RB1CC1: variants seen among roughly 807,000 people sequenced by gnomAD.
RB1CC1 encodes RB1 inducible coiled-coil 1.
RB1CC1 carries 46 observed loss-of-function variants against 177.5 expected under a neutral mutation model. That is an observed-to-expected ratio of 0.26 (90% CI 0.20 to 0.33). The LOEUF is 0.33. Among genes scored for constraint, RB1CC1 ranks in the 10% least tolerant of loss-of-function variants. The pLI is 1.00. For missense variants in RB1CC1, 1,703 were observed against 1,816.3 expected (o/e 0.94, Z 1.13); for synonymous variants, 666 against 613.6 (o/e 1.09, Z -1.26).
chr8:52,631,908 C>T (rs182682743), intron 20 of RB1CC1, among the ~76,000 whole-genome samples: 8 of 152,314 alleles, frequency 5.3e-5, no homozygotes, highest in Admixed American at 3.9e-4. Context: ...AACACTACTA[C>T]TCTGGTTAAA....
intron 21 of RB1CC1, among the ~76,000 whole-genome samples, chr8:52,629,010 G>A (rs964629190): frequency 2.0e-5 from 3 of 152,164 alleles, no homozygotes; most frequent in Admixed American, 2.0e-4. Flanking sequence ...GGGGAGATGG[G>A]AAATGGGGCC....
chr8:52,707,414 TTTTC>T (rs1427461792), intron 1 of RB1CC1, among the ~76,000 whole-genome samples: 3 of 149,338 alleles, frequency 2.0e-5, no homozygotes, highest in South Asian at 2.1e-4. Flanking sequence ...GTTATTTTTC[TTTTC>T]TTTTTCTTTC....
At position 52,652,726 on chromosome 8, in the gene RB1CC1, T is replaced by C. The variant is rs565839946; in HGVS notation, c.3821+3282A>G. Among the ~76,000 whole-genome samples, 5 of 152,246 alleles carry C rather than the reference T, an allele frequency of 3.3e-5. No homozygotes were observed. The East Asian group carries it at 9.7e-4, about 30-fold the overall frequency. ...TATATGAATAAGTCTGTGTGTGACC[T>C]GCAAATGCTAAAATTTTTACTATCT... On this transcript the variant is annotated intron_variant, in intron 15 of 23. Coordinates refer to ENST00000025008, the MANE Select transcript of RB1CC1 (RefSeq NM_014781.5).
Position 52,645,850 on chromosome 8 carries a change from G to A in RB1CC1, c.3839C>T (p.Thr1280Ile). The A allele has an allele frequency of 6.2e-7, 1 of 1,600,956 alleles. No homozygotes were observed. Among genetic ancestry groups the A allele is most frequent in the Non-Finnish European group, 8.5e-7 (1 of 1,176,772 alleles). ...QIAKSPAIDS[T>I]RGDSSSLVAE... ...AACTAAGCTTGAAGAATCTCCTCTG[G>A]TAGAGTCAATGGCAGGACTTACAAA... is the stretch of plus-strand genomic sequence containing the variant. Residue 1280 changes from threonine to isoleucine, a missense_variant, in exon 16 of 24, where the codon ACC becomes ATC. This residue lies in a region of RB1CC1 where 1,169 missense variants were observed against 1,184.7 expected (regional missense o/e 0.99). Coordinates refer to ENST00000025008, the MANE Select transcript of RB1CC1 (RefSeq NM_014781.5).
chr8:52,683,286 A>T (rs1014217948), intron 5 of RB1CC1, among the ~76,000 whole-genome samples: 2 of 152,216 alleles, frequency 1.3e-5, no homozygotes, highest in African/African-American at 4.8e-5. Context: ...GTTCAAAAGT[A>T]ACTATTTACA....
intron 1 of RB1CC1, among the ~76,000 whole-genome samples, chr8:52,696,424 TG>T (rs1383862826): frequency 6.6e-6 from 1 of 152,200 alleles, no homozygotes; most frequent in Non-Finnish European, 1.5e-5. Flanking sequence ...CACATAAGCC[TG>T]GAACATCTTA....
intron 8 of RB1CC1, among the ~76,000 whole-genome samples, chr8:52,665,311 G>A (rs1215307010): frequency 6.6e-6 from 1 of 152,092 alleles, no homozygotes. Context: ...TAAATACATG[G>A]CAAACGCTGA....
chr8:52,712,496 CAAA>C (rs5891479), intron 1 of RB1CC1, among the ~76,000 whole-genome samples: 4 of 100,488 alleles, frequency 4.0e-5, no homozygotes, highest in African/African-American at 7.2e-5. Context: ...CAGCAAGAGC[CAAA>C]AAAAAAAAAA....
chr8:52,700,413 T>C (rs766365176), intron 1 of RB1CC1, among the ~76,000 whole-genome samples: 1 of 23,348 alleles, frequency 4.3e-5, no homozygotes, highest in Non-Finnish European at 8.1e-5. Flanking sequence ...GTCCCAGTTA[T>C]GGGGGGGTGG....
intron 1 of RB1CC1, among the ~76,000 whole-genome samples, chr8:52,710,134 C>G (rs1452475123): frequency 6.6e-6 from 1 of 152,204 alleles, no homozygotes; most frequent in African/African-American, 2.4e-5. Flanking sequence ...TGCCCAGGGA[C>G]TGAAAACTGG....
intron 15 of RB1CC1, among the ~76,000 whole-genome samples, chr8:52,652,523 TAA>T (rs1850694366): frequency 6.6e-6 from 1 of 150,790 alleles, no homozygotes. Context: ...TGAAAATGAC[TAA>T]GTTTCAATTT....
intron 1 of RB1CC1, among the ~76,000 whole-genome samples, chr8:52,698,670 G>GTTTTTTTTTTTTTTTTTTT (rs1183407164): frequency 2.6e-5 from 2 of 77,400 alleles, no homozygotes; most frequent in Non-Finnish European, 4.8e-5. Flanking sequence ...GTAATGGTTG[G>GTTTTTTTTTTTTTTTTTTT]TTTTTTTTTT....
chr8:52,678,560 T>C (rs900628334), intron 5 of RB1CC1, among the ~76,000 whole-genome samples: 3 of 152,180 alleles, frequency 2.0e-5, no homozygotes, highest in Admixed American at 2.0e-4. Flanking sequence ...AAAACAAATG[T>C]TCCACCATCA....
Position 52,657,821 on chromosome 8 carries a change from T to C in RB1CC1, c.2008A>G (p.Thr670Ala). The C allele has an allele frequency of 6.2e-7, 1 of 1,613,856 alleles. No individual in the cohort carries two copies. Among genetic ancestry groups the C allele is most frequent in the Non-Finnish European group, 8.5e-7 (1 of 1,179,976 alleles). Residue 670 changes from threonine (T) to alanine (A), a missense_variant, in exon 15 of 24, where the codon ACT becomes GCT. Coordinates refer to ENST00000025008, the MANE Select transcript of RB1CC1 (RefSeq NM_014781.5). ...TCCTGAACAGTCAGTGGTGGAGGAGTTCTCGGTGAGGTAGTAGTTGTAATT... is the reference window on the plus strand; with the variant it reads ...TCCTGAACAGTCAGTGGTGGAGGAGCTCTCGGTGAGGTAGTAGTTGTAATT... Reference protein sequence around the residue: ...AGITTTTSPRTPPPLTVQDPL... With the variant: ...AGITTTTSPRAPPPLTVQDPL...
At chr8:52,694,499 T>G (rs2150653761) in intron 1 of RB1CC1, among the ~76,000 whole-genome samples, 1 of 152,322 alleles carries the variant, frequency 6.6e-6, no homozygotes, top group South Asian at 2.1e-4. Flanking sequence ...CTTATTACAT[T>G]AAACATCTAT....
In RB1CC1 at chr8:52,656,813, C is replaced by A. The variant is rs748963888; in HGVS notation, c.3016G>T (p.Val1006Phe). Residue 1006 changes from valine (V) to phenylalanine (F), a missense_variant, in exon 15 of 24, where the codon GTT becomes TTT. Transcript: ENST00000025008. ...QVRHIQEFEK[V>F]MTDHRVSLEE... ...AAAGAAACTCTGTGGTCTGTCATAA[C>A]CTTCTCAAACTCTTGTATGTGCCTA... 23 of 1,613,716 alleles carry A rather than the reference C, an allele frequency of 1.4e-5. No individual in the cohort carries two copies. Among genetic ancestry groups the A allele is most frequent in the Non-Finnish European group, 1.9e-5 (22 of 1,179,974 alleles).
At chr8:52,666,254 C>A (rs767640104) in intron 8 of RB1CC1, among the ~76,000 whole-genome samples, 1 of 151,824 alleles carries the variant, frequency 6.6e-6, no homozygotes, top group Admixed American at 6.6e-5. Flanking sequence ...GGCTGGGCGC[C>A]GTGGCTCACA....
chr8:52,678,391 T>G (rs998942071), intron 5 of RB1CC1, among the ~76,000 whole-genome samples: 5 of 152,134 alleles, frequency 3.3e-5, no homozygotes, highest in Admixed American at 3.3e-4. Flanking sequence ...AATTCCAGCC[T>G]GGGTGGCAAG....
chr8:52,713,673 A>G (rs1468494921), intron 1 of RB1CC1, among the ~76,000 whole-genome samples: 1 of 152,228 alleles, frequency 6.6e-6, no homozygotes, highest in Non-Finnish European at 1.5e-5. Flanking sequence ...GCACAAGTCA[A>G]GATGCGTCTT....
Sources: allele counts gnomAD v4.1 joint callset (sites outside exome capture counted in the v4.1 genomes callset), GRCh38; gene constraint gnomAD v4.1.1; regional missense constraint gnomAD v4.1.1; transcripts MANE v1.5; gene names NCBI Gene and HGNC (gene_info 2026-07-23, HGNC 2026-07-21).